The following ATP8A2 variants were observed in gnomAD, a reference collection of about 807,000 sequenced individuals.
ATP8A2 encodes ATPase phospholipid transporting 8A2.
In ATP8A2, 100 loss-of-function variants were observed where a neutral mutation model predicts 165.6. That is an observed-to-expected ratio of 0.60 (90% CI 0.51 to 0.71). ATP8A2 has a LOEUF of 0.71. Among genes scored for constraint, ATP8A2 ranks in the 30% least tolerant of loss-of-function variants. The probability of loss-of-function intolerance (pLI) is 0.00; values close to 1 mark genes in which losing one functional copy is unlikely to be tolerated. For missense variants in ATP8A2, 1,227 were observed against 1,479.5 expected, an observed-to-expected ratio of 0.83 and a Z score of 2.80; for synonymous variants, 543 against 548.8, an observed-to-expected ratio of 0.99 and a Z score of 0.15.
chr13:25,794,316 G>T (rs1106644), intron 27 of ATP8A2, among the ~76,000 whole-genome samples: 23,222 of 152,208 alleles, frequency 0.15, 1,973 homozygotes, highest in Admixed American at 0.23. Flanking sequence ...GTATACCTAT[G>T]CAGTGGAATA....
chr13:25,514,316 A>G (rs1461881325), intron 2 of ATP8A2, among the ~76,000 whole-genome samples: 1 of 152,180 alleles, frequency 6.6e-6, no homozygotes, highest in Non-Finnish European at 1.5e-5. Flanking sequence ...ATATTCTTTT[A>G]AAGTTTGCTG....
At chr13:25,558,261 T>G (rs1408205222) in intron 13 of ATP8A2, among the ~76,000 whole-genome samples, 1 of 152,204 alleles carries the variant, frequency 6.6e-6, no homozygotes, top group Non-Finnish European at 1.5e-5. Context: ...TCCTGCTTAC[T>G]TAAAGGCAGA....
chr13:26,014,889 A>T (rs970029094), intron 36 of ATP8A2, among the ~76,000 whole-genome samples: 10 of 152,216 alleles, frequency 6.6e-5, no homozygotes, highest in Admixed American at 6.5e-4. Context: ...TCTTCATGAC[A>T]GCATGTGTAA....
intron 27 of ATP8A2, among the ~76,000 whole-genome samples, chr13:25,792,792 G>A (rs1467315711): frequency 6.6e-6 from 1 of 151,566 alleles, no homozygotes; most frequent in East Asian, 1.9e-4. Flanking sequence ...TGGTGGTATG[G>A]GCCTGTAGTC....
rs897806248 is a variant in ATP8A2 at position 25,614,077 on chromosome 13, C to T, written c.2211+24378C>T. Among the ~76,000 whole-genome samples, 8 of 152,194 alleles carry T rather than the reference C, an allele frequency of 5.3e-5. No individual in the cohort carries two copies. The East Asian group carries it at 1.3e-3, about 26-fold the overall frequency. On this transcript the variant is annotated intron_variant, in intron 24 of 36. Transcript: ENST00000381655. ...TTTGAGCTTCCTGTAGTCTAGATCT[C>T]TAGCAAAGCCGGAGAAGTTTTCCTC...
chr13:25,465,742 TCCCTCCCTCTCTCTC>T (rs1566153678), intron 1 of ATP8A2, among the ~76,000 whole-genome samples: 17 of 25,332 alleles, frequency 6.7e-4, no homozygotes, highest in East Asian at 2.9e-3. Flanking sequence ...TTTCTTTCCC[TCCCTCCCTCTCTCTC>T]TCTCTTTCTC....
At position 25,715,235 on chromosome 13, in the gene ATP8A2, T is replaced by A. The variant is rs2043232199; in HGVS notation, c.2384+15890T>A. Reference sequence around the variant, plus strand: ...GGGCCGAATCACCCAGGTCTGCAAGTCTCATTGGAACTTGGACTTGCTCCT... The same window carrying A: ...GGGCCGAATCACCCAGGTCTGCAAGACTCATTGGAACTTGGACTTGCTCCT... On this transcript the variant is annotated intron_variant, in intron 25 of 36. Coordinates refer to ENST00000381655, the MANE Select transcript of ATP8A2 (RefSeq NM_016529.6). Among the ~76,000 whole-genome samples the A allele has an allele frequency of 1.3e-5, 2 of 152,154 alleles. 1 individual carries two copies. The highest frequency in any genetic ancestry group is 1.3e-4 in the Admixed American group (2 of 15,276).
intron 24 of ATP8A2, among the ~76,000 whole-genome samples, chr13:25,696,060 A>G (rs2042827821): frequency 6.6e-6 from 1 of 152,256 alleles, no homozygotes; most frequent in Non-Finnish European, 1.5e-5. Context: ...CAGAATGGAT[A>G]TTAGATAAAC....
intron 1 of ATP8A2, among the ~76,000 whole-genome samples, chr13:25,403,480 T>C (rs1459235467): frequency 6.6e-6 from 1 of 152,162 alleles, no homozygotes; most frequent in Non-Finnish European, 1.5e-5. Context: ...TAGAGAAAAG[T>C]ACAGAAAATT....
At chr13:25,925,033 T>G (rs1357335921) in intron 33 of ATP8A2, among the ~76,000 whole-genome samples, 1 of 152,244 alleles carries the variant, frequency 6.6e-6, no homozygotes, top group Non-Finnish European at 1.5e-5. Flanking sequence ...ATTAGCAGCA[T>G]GAGAACAGAC....
chr13:25,718,490 A>G (rs1179518807), intron 25 of ATP8A2, among the ~76,000 whole-genome samples: 2 of 152,148 alleles, frequency 1.3e-5, no homozygotes, highest in Non-Finnish European at 2.9e-5. Flanking sequence ...GCATACTGGT[A>G]TACAACACTG....
intron 35 of ATP8A2, among the ~76,000 whole-genome samples, chr13:25,993,526 T>C (rs1956435844): frequency 6.6e-6 from 1 of 152,238 alleles, no homozygotes; most frequent in Non-Finnish European, 1.5e-5. Flanking sequence ...AGTTAATTTT[T>C]GTGTAAGGTA....
At chr13:25,538,250 T>C (rs2038353111) in intron 7 of ATP8A2, among the ~76,000 whole-genome samples, 189 bp downstream of exon 7, 2 of 152,218 alleles carry the variant, frequency 1.3e-5, no homozygotes, top group Admixed American at 1.3e-4. Context: ...CATTCCTTTG[T>C]GCTTTTTCTG....
intron 30 of ATP8A2, among the ~76,000 whole-genome samples, chr13:25,840,921 C>T (rs1260207586): frequency 6.6e-6 from 1 of 152,180 alleles, no homozygotes; most frequent in Non-Finnish European, 1.5e-5. Context: ...ATGAACTAGC[C>T]ACAAGTACTC....
chr13:25,714,284 A>G (rs770611953), intron 25 of ATP8A2, among the ~76,000 whole-genome samples: 3 of 152,044 alleles, frequency 2.0e-5, no homozygotes, highest in Non-Finnish European at 4.4e-5. Flanking sequence ...TTTGGCTCTC[A>G]AAGCAGGCTT....
intron 23 of ATP8A2, among the ~76,000 whole-genome samples, chr13:25,584,382 C>A (rs531114881): frequency 3.1e-4 from 47 of 152,220 alleles, no homozygotes; most frequent in African/African-American, 1.1e-3. Flanking sequence ...GTAGTATGAA[C>A]CATTATGGAC....
At chr13:25,540,532 C>T (rs1435676480) in intron 8 of ATP8A2, 144 bp downstream of exon 8, 3 of 666,282 alleles carry the variant, frequency 4.5e-6, no homozygotes, top group African/African-American at 1.8e-5. Flanking sequence ...AAGAATATGC[C>T]ATTTATGATG....
At chr13:25,855,599 A>G (rs1952141134) in intron 30 of ATP8A2, among the ~76,000 whole-genome samples, 1 of 152,206 alleles carries the variant, frequency 6.6e-6, no homozygotes, top group African/African-American at 2.4e-5. Flanking sequence ...ATTATGAATA[A>G]TTATAATAAT....
intron 25 of ATP8A2, among the ~76,000 whole-genome samples, chr13:25,702,649 G>T (rs563988571): frequency 6.6e-6 from 1 of 152,306 alleles, no homozygotes; most frequent in East Asian, 1.9e-4. Flanking sequence ...TAGTGAATAA[G>T]AGACTATGTT....
Sources: gnomAD v4.1 joint callset for allele counts (sites outside exome capture counted in the v4.1 genomes callset) on GRCh38, gnomAD v4.1.1 for gene constraint, MANE v1.5 for transcripts, NCBI Gene and HGNC (gene_info 2026-07-23, HGNC 2026-07-21) for gene names.